The following KATNAL2 variants were observed in gnomAD, a reference collection of about 807,000 sequenced individuals.
KATNAL2 encodes katanin p60 ATPase-containing subunit A-like 2.
KATNAL2 carries 52 observed loss-of-function variants against 76.3 expected under a neutral mutation model. The observed-to-expected ratio is 0.68, with a 90% CI of 0.55 to 0.86. KATNAL2 has a LOEUF of 0.86. KATNAL2 is among the 40% of genes least tolerant of loss of function. KATNAL2 has a pLI of 0.00. For missense variants in KATNAL2, 660 were observed against 668.9 expected, an observed-to-expected ratio of 0.99 and a Z score of 0.15; for synonymous variants, 243 against 244.2, an observed-to-expected ratio of 1.00 and a Z score of 0.05.
At chr18:47,077,551 T>G (rs918510792) in intron 15 of KATNAL2, 90 bp downstream of exon 15, 1 of 861,230 alleles carries the variant, frequency 1.2e-6, no homozygotes, top group East Asian at 2.6e-5. Context: ...CAGGCAAAGC[T>G]GTGTTGTTTG....
chr18:47,036,704 T>G (rs1359580682), intron 3 of KATNAL2, among the ~76,000 whole-genome samples: 2 of 152,258 alleles, frequency 1.3e-5, no homozygotes, highest in African/African-American at 4.8e-5. Context: ...AACAGGATCA[T>G]TTGAAATATC....
chr18:47,090,896 G>T (rs530877557), intron 15 of KATNAL2, among the ~76,000 whole-genome samples: 1 of 152,228 alleles, frequency 6.6e-6, no homozygotes, highest in South Asian at 2.1e-4. Flanking sequence ...TTAATCATTG[G>T]CTCCCTATTA....
intron 10 of KATNAL2, among the ~76,000 whole-genome samples, chr18:47,063,899 C>T (rs1198117791): frequency 1.3e-5 from 2 of 152,180 alleles, no homozygotes; most frequent in Non-Finnish European, 2.9e-5. Context: ...TTTCTAGATC[C>T]TTCTCTTGCT....
intron 4 of KATNAL2, among the ~76,000 whole-genome samples, chr18:47,049,143 G>A (rs768188405): frequency 6.4e-4 from 97 of 152,286 alleles, no homozygotes; most frequent in Non-Finnish European, 1.3e-3. Context: ...TCTTTCAAAT[G>A]TCTGCTCTTC....
intron 13 of KATNAL2, among the ~76,000 whole-genome samples, chr18:47,071,040 G>T (rs1401488125): frequency 1.3e-5 from 2 of 152,024 alleles, no homozygotes; most frequent in Non-Finnish European, 2.9e-5. Flanking sequence ...ACTTATATGG[G>T]GAATTTTTTT....
intron 5 of KATNAL2, 76 bp from the exon 6 acceptor site, chr18:47,054,320 G>T (rs1458945131): frequency 7.7e-6 from 10 of 1,301,918 alleles, no homozygotes; most frequent in Non-Finnish European, 1.1e-5. Flanking sequence ...GCAAAAAGGG[G>T]AAACATACCT....
At chr18:47,070,095 T>C (rs2061943065) in intron 13 of KATNAL2, among the ~76,000 whole-genome samples, 1 of 105,800 alleles carries the variant, frequency 9.5e-6, no homozygotes, top group African/African-American at 2.8e-5. Flanking sequence ...ATTTTTTGCT[T>C]TCTTTTTTTT....
chr18:47,091,165 G>C (rs1444382609), intron 15 of KATNAL2: 2 of 152,286 alleles, frequency 1.3e-5, no homozygotes, highest in East Asian at 3.9e-4. Context: ...GAGGGACTTA[G>C]GAAGGTACCT....
chr18:47,033,208 G>A, intron 3 of KATNAL2: 2 of 1,614,076 alleles, frequency 1.2e-6, no homozygotes, highest in South Asian at 1.1e-5. Context: ...GCTCTGGCTG[G>A]AGGGAGTGTG....
At chr18:47,088,039 G>A (rs1161253929) in intron 15 of KATNAL2, among the ~76,000 whole-genome samples, 3 of 152,088 alleles carry the variant, frequency 2.0e-5, no homozygotes, top group South Asian at 2.1e-4. Flanking sequence ...TGGGCTCCAC[G>A]GACACTCTAA....
At chr18:47,054,618 C>T (rs994195170) in intron 6 of KATNAL2, 180 bp downstream of exon 6, 2 of 661,206 alleles carry the variant, frequency 3.0e-6, no homozygotes, top group African/African-American at 1.8e-5. Context: ...GGCCAATGTC[C>T]GTCTACTCTC....
rs1428755283 is a variant in KATNAL2, at chr18:47,033,542, G to A, written c.52-12915G>A. The A allele has an allele frequency of 5.6e-6, 9 of 1,614,184 alleles. No homozygotes were observed. The Admixed American group carries it at 1.2e-4, about 21-fold the overall frequency. On this transcript the variant is annotated intron_variant, in intron 3 of 17. Transcript: ENST00000683218. ...TCGTCTGTCTCTCTAACGAGTGCGTGATTGTCTTTCTTTCTGCGATACAGC... is the reference window on the plus strand; with the variant it reads ...TCGTCTGTCTCTCTAACGAGTGCGTAATTGTCTTTCTTTCTGCGATACAGC...
At chr18:47,064,089 T>A (rs867296203) in intron 10 of KATNAL2, among the ~76,000 whole-genome samples, 3 of 152,192 alleles carry the variant, frequency 2.0e-5, no homozygotes, top group Admixed American at 6.5e-5. Context: ...GCTCCTGAGC[T>A]GTCTCTGTTC....
In KATNAL2 at chr18:47,054,444, G is replaced by T; in HGVS notation, c.332+6G>T. 6.2e-7 allele frequency: 1 copy of T among 1,613,312 alleles called. No individual in the cohort carries two copies. Among genetic ancestry groups the T allele is most frequent in the Non-Finnish European group, 8.5e-7 (1 of 1,179,256 alleles). On this transcript the variant is annotated splice_donor_region_variant and intron_variant, in intron 6 of 17. Transcript: ENST00000683218. ...AGTAGAGGGAAGACCAGAAGGTAAA[G>T]TGAATGGTAATTCTTCTTAATCGAC...
intron 15 of KATNAL2, among the ~76,000 whole-genome samples, chr18:47,079,866 A>G (rs2062424833): frequency 6.6e-6 from 1 of 152,174 alleles, no homozygotes; most frequent in Non-Finnish European, 1.5e-5. Context: ...TGCTGTGCAC[A>G]TCACGTTGCA....
chr18:46,930,976 G>A (rs986104148), intron 1 of KATNAL2, among the ~76,000 whole-genome samples: 7 of 151,816 alleles, frequency 4.6e-5, no homozygotes, highest in Non-Finnish European at 7.4e-5. Flanking sequence ...GGTGGCACAC[G>A]CCTGTAGTCC....
At chr18:47,064,929 A>G (rs2147165639) in intron 10 of KATNAL2, among the ~76,000 whole-genome samples, 1 of 152,280 alleles carries the variant, frequency 6.6e-6, no homozygotes, top group Middle Eastern at 3.4e-3. Flanking sequence ...ACTCAACTCT[A>G]GAAGAGGTCA....
chr18:47,032,748 G>T, intron 3 of KATNAL2: 2 of 608,718 alleles, frequency 3.3e-6, no homozygotes, highest in Non-Finnish European at 5.6e-6. Flanking sequence ...AATTATCAGT[G>T]AACATCCAAA....
At chr18:46,956,609 T>TC (rs140140149) in intron 3 of KATNAL2, among the ~76,000 whole-genome samples, 4,685 of 152,212 alleles carry the variant, frequency 0.031, 208 homozygotes, top group African/African-American at 0.1. Context: ...GTTGCTTTCT[T>TC]CCCCCCATCC....
Sources: allele counts gnomAD v4.1 joint callset (sites outside exome capture counted in the v4.1 genomes callset), GRCh38; gene constraint gnomAD v4.1.1; transcripts MANE v1.5; gene names NCBI Gene and HGNC (gene_info 2026-07-23, HGNC 2026-07-21).